The following OLFM1 variants were observed in gnomAD, a reference collection of about 807,000 sequenced individuals.
OLFM1 encodes olfactomedin 1.
A neutral mutation model predicts 49.7 loss-of-function variants in OLFM1; 9 were observed. That is an observed-to-expected ratio of 0.18 (90% confidence interval 0.11 to 0.32). The LOEUF (loss-of-function observed/expected upper bound fraction) is 0.32. Among genes scored for constraint, OLFM1 ranks in the 10% least tolerant of loss-of-function variants. OLFM1 has a pLI of 1.00. For missense variants in OLFM1, 369 were observed against 661.8 expected (o/e 0.56, Z 4.85); for synonymous variants, 240 against 271.8 (o/e 0.88, Z 1.15).
intron 4 of OLFM1, among the ~76,000 whole-genome samples, chr9:135,099,586 T>G (rs910540697): frequency 2.6e-5 from 4 of 152,170 alleles, no homozygotes; most frequent in Admixed American, 6.5e-5. Flanking sequence ...TTTAGGTGAT[T>G]TTTAAACGCT....
intron 1 of OLFM1, chr9:135,077,149 T>TGC: frequency 1.9e-6 from 3 of 1,546,624 alleles, no homozygotes; most frequent in Non-Finnish European, 1.7e-6. Flanking sequence ...TTCATTCATG[T>TGC]GCACACACAC....
Position 135,113,397 on chromosome 9 carries a change from G to T in OLFM1, c.784-6107G>T, listed in dbSNP as rs941034356. ...CTGAGGGCCGTGTCTAGCCTACCCA[G>T]AACCACCAAGCCCACTCGAGTCCCG... On this transcript the variant is annotated intron_variant, in intron 5 of 5. Coordinates refer to ENST00000371793, the MANE Select transcript of OLFM1 (RefSeq NM_001282611.2). The surrounding 1 kb of genome is among the most constrained non-coding windows in gnomAD (Gnocchi z 4.0). Among the ~76,000 whole-genome samples, 2 of 152,168 alleles carry T rather than the reference G, an allele frequency of 1.3e-5. No individual in the cohort carries two copies. Among genetic ancestry groups the T allele is most frequent in the Non-Finnish European group, 2.9e-5 (2 of 68,024 alleles).
intron 1 of OLFM1, among the ~76,000 whole-genome samples, chr9:135,077,619 A>G (rs1209632065): frequency 6.6e-6 from 1 of 152,088 alleles, no homozygotes; most frequent in Non-Finnish European, 1.5e-5. Context: ...GCCAGCCCAC[A>G]GCCTCCGCGG....
chr9:135,100,351 A>G (rs915741298), intron 4 of OLFM1, among the ~76,000 whole-genome samples: 23 of 152,192 alleles, frequency 1.5e-4, no homozygotes, highest in Non-Finnish European at 3.1e-4. Flanking sequence ...TTTACCTTGC[A>G]GCTTAAAATC....
At chr9:135,087,616 G>C (rs1221124268), upstream of OLFM1, 2 of 672,128 alleles carry the variant, frequency 3.0e-6, no homozygotes, top group Non-Finnish European at 2.1e-6. Context: ...GTCCCGCCCG[G>C]CCGAGCCCCG....
chr9:135,108,308 T>C (rs1830974412), intron 5 of OLFM1, among the ~76,000 whole-genome samples: 1 of 152,160 alleles, frequency 6.6e-6, no homozygotes, highest in South Asian at 2.1e-4. Flanking sequence ...ATGATCATAA[T>C]ACAGAAGAAA....
intron 5 of OLFM1, among the ~76,000 whole-genome samples, chr9:135,116,854 A>G (rs1488623327): frequency 6.6e-6 from 1 of 151,474 alleles, no homozygotes; most frequent in Non-Finnish European, 1.5e-5. Context: ...GCTAAGGATA[A>G]TAGCCTCAAA....
intron 3 of OLFM1, among the ~76,000 whole-genome samples, 172 bp downstream of exon 3, chr9:135,096,191 CT>C (rs1183035488): frequency 7.5e-5 from 6 of 80,094 alleles, no homozygotes; most frequent in African/African-American, 3.2e-4. Context: ...CCTCCTCTTC[CT>C]CCTCCTCCCC....
exon 1 of OLFM1, chr9:135,075,766 C>G: frequency 1.2e-6 from 2 of 1,607,716 alleles, no homozygotes; most frequent in Non-Finnish European, 1.7e-6. Flanking sequence ...TCCTCAGCCT[C>G]CTCTTCCTCA....
At chr9:135,091,653 TCACACACACACAGTCACACA>T (rs1830698844) in intron 2 of OLFM1, among the ~76,000 whole-genome samples, 6 of 22,310 alleles carry the variant, frequency 2.7e-4, no homozygotes, top group South Asian at 1.7e-3. Flanking sequence ...ACTCACATAG[TCACACACACACAGTCACACA>T]CTCACACATA....
At chr9:135,119,428 G>C in intron 5 of OLFM1, 76 bp from the exon 6 acceptor site, 1 of 1,252,342 alleles carries the variant, frequency 8.0e-7, no homozygotes, top group Non-Finnish European at 1.1e-6. Context: ...CTGGATCTTT[G>C]GAAGTGCTCA....
At chr9:135,081,085 G>C (rs1252773972) in intron 1 of OLFM1, among the ~76,000 whole-genome samples, 1 of 152,146 alleles carries the variant, frequency 6.6e-6, no homozygotes, top group Non-Finnish European at 1.5e-5. Context: ...CGCATGTCAC[G>C]AGTGTAAACT....
intron 2 of OLFM1, chr9:135,095,344 A>G (rs1263179929): frequency 6.5e-6 from 1 of 152,964 alleles, no homozygotes; most frequent in Non-Finnish European, 1.5e-5. Context: ...CTCTGCACTT[A>G]AGTAATCAAC....
chr9:135,089,160 T>C (rs1404479929), intron 1 of OLFM1, among the ~76,000 whole-genome samples: 1 of 152,220 alleles, frequency 6.6e-6, no homozygotes, highest in Non-Finnish European at 1.5e-5. Context: ...CCCTCCCTGC[T>C]CCTTCAGGAA....
rs11788385 is a variant in OLFM1, at chr9:135,113,570, C to A, written c.784-5934C>A. Among the ~76,000 whole-genome samples the A allele has an allele frequency of 2.6e-5, 4 of 151,972 alleles. No individual in the cohort carries two copies. The highest frequency in any genetic ancestry group is 2.9e-5 in the Non-Finnish European group (2 of 67,980). On this transcript the variant is annotated intron_variant, in intron 5 of 5. Transcript: ENST00000371793. The surrounding 1 kb of genome is among the most constrained non-coding windows in gnomAD (Gnocchi z 4.0). ...CTCGCTGGAGACTGGCGGTGGCTGG[C>A]GGTGGAGGCGCTTCTTGGTGCCGCA...
At chr9:135,082,111 C>T (rs1020713316) in intron 1 of OLFM1, among the ~76,000 whole-genome samples, 8 of 152,238 alleles carry the variant, frequency 5.3e-5, no homozygotes, top group Non-Finnish European at 7.3e-5. Context: ...AAAGGACATC[C>T]CAGCAGCAGG....
At position 135,095,845 on chromosome 9, in the gene OLFM1, C is replaced by G. The variant is rs759070203; in HGVS notation, c.301-19C>G. 7 of 1,611,224 alleles carry G rather than the reference C, an allele frequency of 4.3e-6. No homozygotes were observed. In the South Asian group the frequency reaches 5.5e-5, roughly 13 times the overall value. ...CACCTACTGCGGCTGTTTTGCTGAA[C>G]CTGTTGCCCTTTTGACAGGTGCAGA... On this transcript the variant is annotated intron_variant, in intron 2 of 5. Coordinates refer to ENST00000371793, the MANE Select transcript of OLFM1 (RefSeq NM_001282611.2).
chr9:135,082,161 G>A (rs775640736), intron 1 of OLFM1, among the ~76,000 whole-genome samples: 1 of 152,238 alleles, frequency 6.6e-6, no homozygotes, highest in Non-Finnish European at 1.5e-5. Context: ...TTCAATGACA[G>A]TTAAAATCTG....
Position 135,098,353 on chromosome 9 carries a change from C to T in OLFM1, c.524C>T (p.Ala175Val), listed in dbSNP as rs1830827128. The T allele has an allele frequency of 1.9e-6, 3 of 1,613,884 alleles. No homozygotes were observed. The highest frequency in any genetic ancestry group is 2.2e-5 in the South Asian group (2 of 91,076). ...IPVLEEYKAD[A>V]KLVLQFKEEV... is the part of the protein sequence containing the mutation. ...GTGTTGGAAGAGTACAAGGCCGATG[C>T]CAAATTGGTATTGCAGTTTAAAGAG... Residue 175 changes from alanine to valine, a missense_variant, in exon 4 of 6, where the codon GCC becomes GTC. Ala to Val is a moderately conservative substitution (Grantham distance 64). Around this residue, in one of 3 missense-constraint regions of OLFM1, gnomAD observed 294 missense variants for 567.5 expected, o/e 0.52. Coordinates refer to ENST00000371793, the MANE Select transcript of OLFM1 (RefSeq NM_001282611.2). This position sits in a 1 kb window ranked among gnomAD's most constrained non-coding sequence, Gnocchi z 5.6.
Sources: gnomAD v4.1 joint callset for allele counts (sites outside exome capture counted in the v4.1 genomes callset) on GRCh38, gnomAD v4.1.1 for gene constraint, gnomAD v4.1.1 regional missense constraint, Gnocchi (gnomAD v3.1) non-coding constraint, MANE v1.5 for transcripts, NCBI Gene and HGNC (gene_info 2026-07-23, HGNC 2026-07-21) for gene names.